Variants in PRR16 observed in about 807,000 individuals in gnomAD.
The protein encoded by PRR16 is proline rich 16, also known as protein Largen.
PRR16 carries 6 observed loss-of-function variants against 18.2 expected under a neutral mutation model. That is an observed-to-expected ratio of 0.33 (90% CI 0.18 to 0.65). The LOEUF is 0.65. Among genes scored for constraint, PRR16 ranks in the 30% least tolerant of loss-of-function variants. The probability of loss-of-function intolerance (pLI) is 0.74; values close to 1 mark genes in which losing one functional copy is unlikely to be tolerated. For missense variants in PRR16, 412 were observed against 376.6 expected (o/e 1.09, Z -0.78); for synonymous variants, 151 against 147.8 (o/e 1.02, Z -0.16).
chr5:120,675,065 ATCAAT>A (rs1479208575), intron 1 of PRR16, among the ~76,000 whole-genome samples: 2 of 152,112 alleles, frequency 1.3e-5, no homozygotes, highest in Non-Finnish European at 2.9e-5. Flanking sequence ...TTTAACATTG[ATCAAT>A]TCATTCATTT....
chr5:120,785,569 G>GTTTTTTTTTTTTTTTTTTTTTTTTTTTTT, the PRR16 span, among the ~76,000 whole-genome samples: 1 of 99,606 alleles, frequency 1.0e-5, no homozygotes, highest in African/African-American at 3.8e-5. Context: ...GTGTTTTGTT[G>GTTTTTTTTTTTTTTTTTTTTTTTTTTTTT]TTGTTGTTTT....
At chr5:120,594,470 T>G (rs111523924) in intron 1 of PRR16, among the ~76,000 whole-genome samples, 2,299 of 152,128 alleles carry the variant, frequency 0.015, 65 homozygotes, top group African/African-American at 0.052. Context: ...TGCAAACAAA[T>G]AGAAAAACAT....
chr5:120,474,100 G>A (rs946460962), intron 1 of PRR16, among the ~76,000 whole-genome samples: 2 of 152,188 alleles, frequency 1.3e-5, no homozygotes, highest in African/African-American at 4.8e-5. Flanking sequence ...AGCAGGGCAA[G>A]AGTAGCAGTG....
At chr5:120,567,885 C>G (rs1361849737) in intron 1 of PRR16, among the ~76,000 whole-genome samples, 1 of 152,136 alleles carries the variant, frequency 6.6e-6, no homozygotes, top group East Asian at 1.9e-4. Context: ...TGAGAACAGA[C>G]TAATACATAC....
intron 1 of PRR16, among the ~76,000 whole-genome samples, chr5:120,570,614 A>C (rs1340021679): frequency 6.6e-6 from 1 of 152,188 alleles, no homozygotes; most frequent in South Asian, 2.1e-4. Flanking sequence ...TATTTATTGT[A>C]GCTCTACTCA....
chr5:120,610,918 T>G (rs1754313909), intron 1 of PRR16, among the ~76,000 whole-genome samples: 1 of 152,196 alleles, frequency 6.6e-6, no homozygotes, highest in Non-Finnish European at 1.5e-5. Context: ...CAGGAAAATG[T>G]GGGAAAGTTT....
the PRR16 span, among the ~76,000 whole-genome samples, chr5:120,757,736 G>A: frequency 6.6e-6 from 1 of 151,932 alleles, no homozygotes; most frequent in African/African-American, 2.4e-5. Context: ...TCATAGGTTT[G>A]GTGAATTGGC....
At chr5:120,727,625 T>C in the PRR16 span, among the ~76,000 whole-genome samples, 1 of 152,148 alleles carries the variant, frequency 6.6e-6, no homozygotes, top group Non-Finnish European at 1.5e-5. Flanking sequence ...AGAATTACTT[T>C]GCAGATATGC....
In PRR16 at chr5:120,571,934, G is replaced by T. The variant is rs74489068; in HGVS notation, c.159+107289G>T. Among the ~76,000 whole-genome samples, 28 of 152,218 alleles carry T rather than the reference G, an allele frequency of 1.8e-4. No individual in the cohort carries two copies. The East Asian group carries it at 4.5e-3, about 24-fold the overall frequency. ...CTTGACAGGGACATCTAGAAGGTCAGACTCAGGTGAGTGTCTCCCTCCATC... is the reference window on the plus strand; with the variant it reads ...CTTGACAGGGACATCTAGAAGGTCATACTCAGGTGAGTGTCTCCCTCCATC... On this transcript the variant is annotated intron_variant, in intron 1 of 1. Transcript: ENST00000407149.
At chr5:120,575,225 AT>A (rs548993118) in intron 1 of PRR16, among the ~76,000 whole-genome samples, 379 of 152,092 alleles carry the variant, frequency 2.5e-3, no homozygotes, top group Non-Finnish European at 3.8e-3. Flanking sequence ...GGACTGATGT[AT>A]TTACCAGAAG....
the PRR16 span, among the ~76,000 whole-genome samples, chr5:120,789,390 T>A: frequency 6.6e-6 from 1 of 152,170 alleles, no homozygotes; most frequent in Non-Finnish European, 1.5e-5. Context: ...TATATTTTAA[T>A]GTACTTATTT....
chr5:120,578,900 C>T (rs987683483), intron 1 of PRR16, among the ~76,000 whole-genome samples: 7 of 152,114 alleles, frequency 4.6e-5, no homozygotes, highest in African/African-American at 1.7e-4. Context: ...CGCACCCTCG[C>T]CAGCATCTAT....
chr5:120,475,144 T>A (rs1749399504), intron 1 of PRR16, among the ~76,000 whole-genome samples: 1 of 152,192 alleles, frequency 6.6e-6, no homozygotes, highest in African/African-American at 2.4e-5. Flanking sequence ...TTGAGGTACC[T>A]ATAATTATTC....
At chr5:120,770,304 C>T in the PRR16 span, among the ~76,000 whole-genome samples, 1 of 151,926 alleles carries the variant, frequency 6.6e-6, no homozygotes, top group African/African-American at 2.4e-5. Flanking sequence ...CATACACGAT[C>T]AGTTGAATCC....
At chr5:120,492,075 T>A (rs1161451380) in intron 1 of PRR16, among the ~76,000 whole-genome samples, 1 of 150,120 alleles carries the variant, frequency 6.7e-6, no homozygotes, top group Admixed American at 6.7e-5. Flanking sequence ...TTTACTGTTT[T>A]TTATTTGTTT....
chr5:120,750,457 G>T, the PRR16 span, among the ~76,000 whole-genome samples: 1 of 151,902 alleles, frequency 6.6e-6, no homozygotes, highest in Admixed American at 6.6e-5. Flanking sequence ...TCAGGAGTTC[G>T]AGACCAGCCT....
chr5:120,614,389 C>T (rs1449159), intron 1 of PRR16, among the ~76,000 whole-genome samples: 142,464 of 152,302 alleles, frequency 0.94, 67,331 homozygotes, highest in East Asian at 1. Context: ...ACATTTGTCA[C>T]GAATTCAGGT....
In PRR16 at chr5:120,537,908, C is replaced by G. The variant is rs1275689787; in HGVS notation, c.159+73263C>G. 2.0e-5 allele frequency among the ~76,000 whole-genome samples: 3 copies of G among 149,996 alleles called. No homozygotes were observed. In the East Asian group the frequency reaches 5.9e-4, roughly 30 times the overall value. On this transcript the variant is annotated intron_variant, in intron 1 of 1. Transcript: ENST00000407149. ...TCTCCTGCCTCAGCCTCCCAAGTAGCTGGGACTACAGGCGCCCGCCACTAC... is the reference window on the plus strand; with the variant it reads ...TCTCCTGCCTCAGCCTCCCAAGTAGGTGGGACTACAGGCGCCCGCCACTAC...
At chr5:120,656,015 G>C (rs781131975) in intron 1 of PRR16, among the ~76,000 whole-genome samples, 1 of 151,802 alleles carries the variant, frequency 6.6e-6, no homozygotes, top group African/African-American at 2.4e-5. Flanking sequence ...AGAGCATGCA[G>C]TTGCCACCAG....
Sources: allele counts gnomAD v4.1 joint callset (sites outside exome capture counted in the v4.1 genomes callset), GRCh38; gene constraint gnomAD v4.1.1; transcripts MANE v1.5; gene names NCBI Gene and HGNC (gene_info 2026-07-23, HGNC 2026-07-21).